The following BRINP1 variants were observed in gnomAD, a reference collection of about 807,000 sequenced individuals.
BRINP1 encodes the protein BMP/retinoic acid inducible neural specific 1, also known as BMP/retinoic acid-inducible neural-specific protein 1.
Under a neutral mutation model 72.9 loss-of-function variants are expected in BRINP1, and 17 were observed. The ratio of observed to expected loss-of-function variants is 0.23; its 90% CI spans 0.16 to 0.35. The LOEUF (loss-of-function observed/expected upper bound fraction) is 0.35. Among genes scored for constraint, BRINP1 ranks in the 10% least tolerant of loss-of-function variants. BRINP1 has a pLI of 1.00. For missense variants in BRINP1, 850 were observed against 1,001.6 expected (o/e 0.85, Z 2.04); for synonymous variants, 418 against 378.5 (o/e 1.10, Z -1.21).
intron 5 of BRINP1, among the ~76,000 whole-genome samples, chr9:119,237,184 T>A (rs1271390998): frequency 1.3e-5 from 2 of 152,062 alleles, no homozygotes; most frequent in Non-Finnish European, 2.9e-5. Flanking sequence ...ACATTTTTAG[T>A]CTGCTCAAAG....
intron 2 of BRINP1, among the ~76,000 whole-genome samples, chr9:119,257,292 CTG>C (rs1369548673): frequency 1.3e-5 from 2 of 152,104 alleles, no homozygotes; most frequent in Non-Finnish European, 2.9e-5. Context: ...AACAATATTC[CTG>C]TGAGTTTGAT....
chr9:119,313,407 T>C lies in BRINP1; in HGVS notation c.-50-2A>G. 3 of 1,562,392 alleles carry C rather than the reference T, an allele frequency of 1.9e-6. No homozygotes were observed. The highest frequency in any genetic ancestry group is 2.6e-6 in the Non-Finnish European group (3 of 1,156,960). On this transcript the variant is annotated splice_acceptor_variant, in intron 1 of 7. Coordinates refer to ENST00000265922, the MANE Select transcript of BRINP1 (RefSeq NM_014618.3). LOFTEE classifies it low-confidence loss of function (5UTR_SPLICE). ...ATTCTTGCTCCATTCTGTGGAGTCC[T>C]ATAGAAGAAAGAATAAAAAAGAGAG...
At chr9:119,170,067 A>G (rs1221773827) in intron 7 of BRINP1, among the ~76,000 whole-genome samples, 1 of 152,216 alleles carries the variant, frequency 6.6e-6, no homozygotes, top group African/African-American at 2.4e-5. Flanking sequence ...TCTAAAAAGC[A>G]GAGCGCCTCT....
chr9:119,252,014 C>T (rs986975470), intron 2 of BRINP1, among the ~76,000 whole-genome samples: 1 of 152,276 alleles, frequency 6.6e-6, no homozygotes, highest in East Asian at 1.9e-4. Context: ...TTTTCTGCTT[C>T]ACCCACTGGC....
intron 2 of BRINP1, among the ~76,000 whole-genome samples, chr9:119,294,323 G>A (rs1830852133): frequency 6.6e-6 from 1 of 152,142 alleles, no homozygotes; most frequent in Admixed American, 6.5e-5. Context: ...CTGAGGTCAG[G>A]GGTTTGAGAC....
intron 2 of BRINP1, among the ~76,000 whole-genome samples, chr9:119,282,099 T>G (rs1830718390): frequency 6.6e-6 from 1 of 152,190 alleles, no homozygotes; most frequent in Admixed American, 6.5e-5. Flanking sequence ...ATGAACAAAG[T>G]CTGAAAATGT....
At chr9:119,331,740 C>T (rs1290473659) in intron 1 of BRINP1, among the ~76,000 whole-genome samples, 2 of 152,314 alleles carry the variant, frequency 1.3e-5, no homozygotes, top group Non-Finnish European at 2.9e-5. Context: ...TACAAAGATA[C>T]AAGAAATTCA....
chr9:119,212,291 TC>T lies in BRINP1; in HGVS notation c.922+1627del, dbSNP rs538520006. On this transcript the variant is annotated intron_variant, in intron 6 of 7. Coordinates refer to ENST00000265922, the MANE Select transcript of BRINP1 (RefSeq NM_014618.3). ...GAAACCAGTTATTTTCAAATGCTAT[TC>T]CATAGAACTCTGCTTTTATCTGTGG... Among the ~76,000 whole-genome samples, 428 of 152,340 alleles carry T rather than the reference TC, an allele frequency of 2.8e-3. 2 individuals carry two copies. Among genetic ancestry groups the T allele is most frequent in the African/African-American group, 9.6e-3 (400 of 41,586 alleles).
chr9:119,340,463 G>A (rs745974097), intron 1 of BRINP1, among the ~76,000 whole-genome samples: 5 of 151,828 alleles, frequency 3.3e-5, no homozygotes, highest in Non-Finnish European at 7.4e-5. Flanking sequence ...CCACCCCCAG[G>A]ATGCAGGGAC....
At chr9:119,169,735 G>C (rs1025173746) in intron 7 of BRINP1, among the ~76,000 whole-genome samples, 4 of 152,250 alleles carry the variant, frequency 2.6e-5, no homozygotes, top group African/African-American at 9.6e-5. Context: ...GTTCCTGTCT[G>C]ACAGCTTTGA....
chr9:119,207,574 A>T (rs1476932018), intron 7 of BRINP1, among the ~76,000 whole-genome samples: 1 of 152,120 alleles, frequency 6.6e-6, no homozygotes, highest in Admixed American at 6.5e-5. Context: ...TTGCTACGAT[A>T]CTCAAAATTG....
intron 1 of BRINP1, among the ~76,000 whole-genome samples, chr9:119,316,368 G>A (rs533825427): frequency 4.6e-5 from 7 of 152,300 alleles, no homozygotes; most frequent in Admixed American, 6.5e-5. Context: ...GATTACAGGC[G>A]TGAGCCACCG....
intron 1 of BRINP1, among the ~76,000 whole-genome samples, chr9:119,329,949 T>G (rs757967329): frequency 2.6e-5 from 4 of 152,218 alleles, no homozygotes; most frequent in Non-Finnish European, 4.4e-5. Context: ...TCTACTTGGA[T>G]GAGAAGTAGA....
intron 7 of BRINP1, among the ~76,000 whole-genome samples, chr9:119,207,227 T>G (rs963088895): frequency 2.6e-5 from 4 of 152,112 alleles, no homozygotes; most frequent in Non-Finnish European, 4.4e-5. Context: ...GAAAAAAGGG[T>G]GCACCTCATC....
chr9:119,255,271 A>G (rs1012210585), intron 2 of BRINP1, among the ~76,000 whole-genome samples: 3 of 152,202 alleles, frequency 2.0e-5, no homozygotes, highest in African/African-American at 4.8e-5. Context: ...AGAACTCACA[A>G]TGGCATAGGA....
intron 2 of BRINP1, among the ~76,000 whole-genome samples, chr9:119,297,938 G>A (rs559382177): frequency 2.0e-5 from 3 of 152,312 alleles, no homozygotes; most frequent in South Asian, 2.1e-4. Flanking sequence ...ACAAGCATCC[G>A]GGCCTGGGTG....
intron 4 of BRINP1, among the ~76,000 whole-genome samples, chr9:119,239,704 AT>A (rs1830228429): frequency 6.6e-6 from 1 of 152,152 alleles, no homozygotes; most frequent in African/African-American, 2.4e-5. Flanking sequence ...CATCTATAAA[AT>A]GTTAGTAATG....
chr9:119,237,346 C>CATTATTATT (rs34106507), intron 5 of BRINP1, among the ~76,000 whole-genome samples: 1,988 of 145,042 alleles, frequency 0.014, 44 homozygotes, highest in African/African-American at 0.039. Context: ...TTTCTTGCTA[C>CATTATTATT]ATTATTATTA....
chr9:119,352,427 A>T (rs1195713621), intron 1 of BRINP1, among the ~76,000 whole-genome samples: 1 of 151,900 alleles, frequency 6.6e-6, no homozygotes, highest in East Asian at 1.9e-4. Context: ...GATTTCTAAG[A>T]TGTGATTTTC....
Sources: allele counts gnomAD v4.1 joint callset (sites outside exome capture counted in the v4.1 genomes callset), GRCh38; gene constraint gnomAD v4.1.1; transcripts MANE v1.5; gene names NCBI Gene and HGNC (gene_info 2026-07-23, HGNC 2026-07-21).